KCTD13: variants seen among roughly 807,000 people sequenced by gnomAD.
The protein encoded by KCTD13 is BTB/POZ domain-containing adapter for CUL3-mediated RhoA degradation protein 1.
A neutral mutation model predicts 32.3 loss-of-function variants in KCTD13; 15 were observed. The observed-to-expected ratio is 0.46, with a 90% CI of 0.31 to 0.71. The LOEUF is 0.71. KCTD13 is among the 30% of genes least tolerant of loss of function. KCTD13 has a pLI of 0.05. For missense variants in KCTD13, 337 were observed against 452.6 expected, an observed-to-expected ratio of 0.74 and a Z score of 2.32; for synonymous variants, 189 against 200.1, an observed-to-expected ratio of 0.94 and a Z score of 0.47.
intron 2 of KCTD13, chr16:29,912,510 G>A (rs2068732997): frequency 5.2e-6 from 1 of 191,174 alleles, no homozygotes; most frequent in Non-Finnish European, 1.1e-5. Flanking sequence ...GCGCCATCTC[G>A]GCTCACTGCA....
intron 4 of KCTD13, 115 bp downstream of exon 4, chr16:29,911,700 G>T: frequency 9.1e-7 from 1 of 1,101,068 alleles, no homozygotes; most frequent in Non-Finnish European, 1.3e-6. Flanking sequence ...GAATCTGCGA[G>T]CAGGCACAGA....
intron 2 of KCTD13, among the ~76,000 whole-genome samples, chr16:29,912,863 TTGAA>T (rs1262401226): frequency 6.6e-6 from 1 of 152,256 alleles, no homozygotes; most frequent in East Asian, 1.9e-4. Context: ...TCTGTATTTG[TTGAA>T]TGAATGAACA....
Position 29,906,964 on chromosome 16 carries a change from T to A in KCTD13, c.898A>T (p.Asn300Tyr). 6.2e-7 allele frequency: 1 copy of A among 1,614,134 alleles called. No homozygotes were observed. Among genetic ancestry groups the A allele is most frequent in the Non-Finnish European group, 8.5e-7 (1 of 1,180,016 alleles). The change falls in exon 6 of 6, where the codon AAC becomes TAC. Residue 300 changes from asparagine (N) to tyrosine (Y), a missense_variant. By Grantham distance (143) the Asn-to-Tyr change is moderately radical. This residue lies in a region of KCTD13 where 252 missense variants were observed against 340.2 expected (regional missense o/e 0.74). Transcript: ENST00000568000. ...ATCCTGCGGACACGGTGCTCTCGGT[T>A]CTCTTCATCCTCCCCGCGGCCAGCC... ...GGAGRGEDEE[N>Y]REHRVRRIHV...
chr16:29,914,373 G>C (rs935299986), intron 2 of KCTD13: 3 of 152,096 alleles, frequency 2.0e-5, no homozygotes, highest in African/African-American at 7.3e-5. Flanking sequence ...ATCTCAGTCA[G>C]GTCCAGGTGG....
chr16:29,908,053 T>C (rs1296314866), intron 5 of KCTD13, among the ~76,000 whole-genome samples: 1 of 149,942 alleles, frequency 6.7e-6, no homozygotes, highest in African/African-American at 2.5e-5. Flanking sequence ...GGGGATGTGA[T>C]AGCCAGAGCC....
chr16:29,910,883 G>A, intron 5 of KCTD13, 95 bp downstream of exon 5: 1 of 1,142,694 alleles, frequency 8.8e-7, no homozygotes, highest in Non-Finnish European at 1.3e-6. Context: ...CCTGCCTCCT[G>A]GTGGTGGGCT....
intron 2 of KCTD13, among the ~76,000 whole-genome samples, chr16:29,918,649 T>TTTTA (rs935758006): frequency 3.8e-4 from 58 of 151,790 alleles, no homozygotes; most frequent in Middle Eastern, 3.4e-3. Context: ...TTTTGTAATT[T>TTTTA]TTTATTTATT....
At chr16:29,910,880 C>G (rs112012242) in intron 5 of KCTD13, 98 bp downstream of exon 5, 14 of 1,115,550 alleles carry the variant, frequency 1.3e-5, no homozygotes, top group Non-Finnish European at 1.7e-5. Flanking sequence ...GCTCCTGCCT[C>G]CTGGTGGTGG....
chr16:29,907,862 G>A (rs563690784), intron 5 of KCTD13, among the ~76,000 whole-genome samples: 4 of 152,096 alleles, frequency 2.6e-5, no homozygotes, highest in African/African-American at 9.6e-5. Context: ...TATAAGCTGG[G>A]TGTGGTGTCT....
At position 29,906,863 on chromosome 16, in the gene KCTD13, G is replaced by A; in HGVS notation, c.*9C>T. ...CAAGGCAAGAGGAAGGCAGGGGGAG[G>A]GTCAGAGGTCAGTCCTTGAAGACAA... On this transcript the variant is annotated 3_prime_UTR_variant, in exon 6 of 6. Transcript: ENST00000568000. 3.1e-6 allele frequency: 5 copies of A among 1,610,360 alleles called. No homozygotes were observed. The highest frequency in any genetic ancestry group is 4.2e-6 in the Non-Finnish European group (5 of 1,176,800).
chr16:29,917,252 C>T (rs1005749647), intron 2 of KCTD13, among the ~76,000 whole-genome samples: 5 of 152,266 alleles, frequency 3.3e-5, no homozygotes, highest in African/African-American at 9.6e-5. Context: ...AAAACTACCT[C>T]ACCCTATGGA....
chr16:29,925,887 G>T lies in KCTD13; in HGVS notation c.147C>A (p.Gly49=). Reference sequence around the variant, plus strand: ...TGCGCAGCGTGGTGTAGTGCAACGAGCCGCCCACGTTCAGCTTCACGTATT... The same window carrying T: ...TGCGCAGCGTGGTGTAGTGCAACGATCCGCCCACGTTCAGCTTCACGTATT... ...NSKYVKLNVG[G]SLHYTTLRTL... Residue 49 remains glycine, a synonymous_variant, in exon 1 of 6, where the codon GGC becomes GGA. Transcript: ENST00000568000. 6.2e-7 allele frequency: 1 copy of T among 1,614,094 alleles called. No homozygotes were observed. The highest frequency in any genetic ancestry group is 2.2e-5 in the East Asian group (1 of 44,858).
intron 2 of KCTD13, among the ~76,000 whole-genome samples, chr16:29,915,963 G>GT (rs1021661390): frequency 7.9e-5 from 12 of 151,948 alleles, no homozygotes; most frequent in East Asian, 1.9e-4. Flanking sequence ...TCATTTAAGT[G>GT]TTTTTTTTCT....
At chr16:29,917,578 G>A (rs1025691541) in intron 2 of KCTD13, among the ~76,000 whole-genome samples, 1 of 152,014 alleles carries the variant, frequency 6.6e-6, no homozygotes, top group Admixed American at 6.6e-5. Flanking sequence ...TCAGGAGTTC[G>A]AGACCAGTCT....
rs1221424786 is a variant in KCTD13, at chr16:29,926,050, G to A, written c.-17C>T. 18 of 1,484,034 alleles carry A rather than the reference G, an allele frequency of 1.2e-5. 1 individual carries two copies. In the Admixed American group the frequency reaches 4.8e-4, roughly 40 times the overall value. 91.9% of individuals were successfully genotyped at this position (1,484,034 alleles called of 1,614,324 possible). On this transcript the variant is annotated 5_prime_UTR_variant, in exon 1 of 6. Transcript: ENST00000568000. ...CGCCGACATGCCGGGTAGCAGCGGCGGACGGCGATCCCAGGATCTCTCCGC... is the reference window on the plus strand; with the variant it reads ...CGCCGACATGCCGGGTAGCAGCGGCAGACGGCGATCCCAGGATCTCTCCGC...
At chr16:29,925,416 CTG>C (rs2068977366) in intron 1 of KCTD13, 1 of 296,248 alleles carries the variant, frequency 3.4e-6, no homozygotes, top group Non-Finnish European at 6.5e-6. Flanking sequence ...TCGGAAGAAA[CTG>C]AGGAAGGCTG....
rs1211255506 is a variant in KCTD13 at position 29,923,281 on chromosome 16, G to A, written c.323C>T (p.Pro108Leu). The A allele has an allele frequency of 3.7e-6, 6 of 1,614,156 alleles. No homozygotes were observed. Among genetic ancestry groups the A allele is most frequent in the Middle Eastern group, 1.6e-4 (1 of 6,062 alleles). The change falls in exon 2 of 6, where the codon CCG becomes CTG. Residue 108 changes from proline (P) to leucine (L), a missense_variant. This residue lies in a region of KCTD13 where 252 missense variants were observed against 340.2 expected (regional missense o/e 0.74). Transcript: ENST00000568000. The part of the protein sequence containing the change: ...NYLRDGSVPL[P>L]ESTRELGELL... ...CTCCCCCAGTTCTCTCGTACTCTCC[G>A]GCAGTGGCACAGACCCATCCCGCAG...
intron 4 of KCTD13, 127 bp downstream of exon 4, chr16:29,911,688 C>A: frequency 1.0e-6 from 1 of 972,840 alleles, no homozygotes. Flanking sequence ...AGAGGCGAAG[C>A]CGAATCTGCG....
intron 4 of KCTD13, 143 bp from the exon 5 acceptor site, chr16:29,911,316 G>A: frequency 6.0e-6 from 4 of 670,702 alleles, no homozygotes; most frequent in Non-Finnish European, 1.0e-5. Flanking sequence ...CCACCCCTGG[G>A]GCCAGGCTAA....
Sources: gnomAD v4.1 joint callset for allele counts (sites outside exome capture counted in the v4.1 genomes callset) on GRCh38, gnomAD v4.1.1 for gene constraint, gnomAD v4.1.1 regional missense constraint, MANE v1.5 for transcripts, NCBI Gene and HGNC (gene_info 2026-07-23, HGNC 2026-07-21) for gene names.